Variants in TMEM232 observed in about 807,000 individuals in gnomAD.
TMEM232 encodes the protein transmembrane protein 232.
TMEM232 carries 80 observed loss-of-function variants against 78.8 expected under a neutral mutation model. That is an observed-to-expected ratio of 1.01 (90% CI 0.85 to 1.22). The LOEUF (loss-of-function observed/expected upper bound fraction) is 1.22. TMEM232 is among the 50% of genes most tolerant of loss of function. The probability of loss-of-function intolerance (pLI) is 0.00; values close to 1 mark genes in which losing one functional copy is unlikely to be tolerated. For missense variants in TMEM232, 881 were observed against 742.2 expected (o/e 1.19, Z -2.17); for synonymous variants, 297 against 254.3 (o/e 1.17, Z -1.60).
chr5:110,524,163 T>A (rs1770018999), intron 12 of TMEM232, among the ~76,000 whole-genome samples: 1 of 149,120 alleles, frequency 6.7e-6, no homozygotes, highest in African/African-American at 2.5e-5. Context: ...TTCGGGAGGC[T>A]GAGGCATAAG....
At chr5:110,715,399 A>C (rs1796912659) in intron 1 of TMEM232, among the ~76,000 whole-genome samples, 1 of 152,198 alleles carries the variant, frequency 6.6e-6, no homozygotes, top group Non-Finnish European at 1.5e-5. Flanking sequence ...AATAATACTA[A>C]ACTGAATAGA....
At chr5:110,446,008 G>T (rs1198196445) in intron 12 of TMEM232, among the ~76,000 whole-genome samples, 1 of 152,146 alleles carries the variant, frequency 6.6e-6, no homozygotes, top group Non-Finnish European at 1.5e-5. Flanking sequence ...AGATTACACA[G>T]GAACAGAGAT....
chr5:110,701,787 C>T (rs556237877), intron 1 of TMEM232, among the ~76,000 whole-genome samples: 2 of 152,072 alleles, frequency 1.3e-5, no homozygotes, highest in South Asian at 4.1e-4. Flanking sequence ...TTCCATTCTA[C>T]TTAAGTATAT....
rs1311493688 is a variant in TMEM232 at position 110,420,261 on chromosome 5, T to A, written c.*319A>T. 1 of 181,390 alleles carries A rather than the reference T, an allele frequency of 5.5e-6. No individual in the cohort carries two copies. Among genetic ancestry groups the A allele is most frequent in the African/African-American group, 2.3e-5 (1 of 42,730 alleles). The allele number at this position is 181,390 out of a possible 1,614,324, so 11.2% of individuals were successfully genotyped here. On this transcript the variant is annotated 3_prime_UTR_variant, in exon 14 of 14. Coordinates refer to ENST00000455884, the MANE Select transcript of TMEM232 (RefSeq NM_001039763.4). ...AAACTGTTTGTTTGATGAATATCAA[T>A]GTTCTGAGAATCAGTTATCAAGTAT...
chr5:110,587,679 ATATATATATATATG>A (rs1302902756), intron 10 of TMEM232, among the ~76,000 whole-genome samples: 8 of 98,730 alleles, frequency 8.1e-5, no homozygotes, highest in African/African-American at 4.0e-4. Flanking sequence ...ATATATATAT[ATATATATATATATG>A]TGTGTGTGTG....
downstream of TMEM232, among the ~76,000 whole-genome samples, chr5:110,415,481 C>T (rs1370689056): frequency 6.6e-6 from 1 of 151,796 alleles, no homozygotes; most frequent in Admixed American, 6.6e-5. Context: ...GCCACCGTGC[C>T]CGACCCCAAC....
intron 10 of TMEM232, among the ~76,000 whole-genome samples, chr5:110,581,119 A>C (rs1261661560): frequency 1.3e-5 from 2 of 151,914 alleles, no homozygotes; most frequent in Admixed American, 1.3e-4. Flanking sequence ...CACAATTCTT[A>C]CCAAACTACC....
chr5:110,695,472 T>G (rs907568863), intron 1 of TMEM232, among the ~76,000 whole-genome samples: 3 of 151,940 alleles, frequency 2.0e-5, no homozygotes, highest in African/African-American at 7.3e-5. Flanking sequence ...CTGAAGGGAA[T>G]AGAGACACAA....
intron 10 of TMEM232, among the ~76,000 whole-genome samples, chr5:110,595,655 C>A (rs185419064): frequency 6.6e-6 from 1 of 152,074 alleles, no homozygotes; most frequent in African/African-American, 2.4e-5. Context: ...CTGAATCGAT[C>A]AAGTGGAAGA....
intron 7 of TMEM232, among the ~76,000 whole-genome samples, chr5:110,622,327 G>A (rs1416389229): frequency 6.6e-6 from 1 of 152,126 alleles, no homozygotes; most frequent in Non-Finnish European, 1.5e-5. Flanking sequence ...AGAACTATTT[G>A]TACTTCAGAA....
chr5:110,656,799 C>T (rs1241486011), intron 2 of TMEM232, among the ~76,000 whole-genome samples: 1 of 151,040 alleles, frequency 6.6e-6, no homozygotes, highest in Non-Finnish European at 1.5e-5. Context: ...CACTGCACCA[C>T]TGCACTCCAG....
chr5:110,594,704 C>A (rs1779941351), intron 10 of TMEM232, among the ~76,000 whole-genome samples: 1 of 152,156 alleles, frequency 6.6e-6, no homozygotes, highest in South Asian at 2.1e-4. Context: ...TGCAGCACGG[C>A]AAAGCAGCTG....
intron 2 of TMEM232, among the ~76,000 whole-genome samples, chr5:110,732,196 A>T (rs1798733467): frequency 6.6e-6 from 1 of 152,180 alleles, no homozygotes; most frequent in African/African-American, 2.4e-5. Flanking sequence ...TATTCATATC[A>T]TTATCAGCAT....
rs61730860 is a variant in TMEM232 at position 110,625,333 on chromosome 5, G to C, written c.702C>G (p.Leu234=). 1 of 1,547,054 alleles carries C rather than the reference G, an allele frequency of 6.5e-7. No homozygotes were observed. The highest frequency in any genetic ancestry group is 8.7e-7 in the Non-Finnish European group (1 of 1,144,458). The change falls in exon 7 of 14, where the codon CTC becomes CTG. Residue 234 remains leucine, a synonymous_variant. Coordinates refer to ENST00000455884, the MANE Select transcript of TMEM232 (RefSeq NM_001039763.4). The part of the protein sequence containing the change: ...KASEIIGKRE[L]RSESIFRPVE... ...CAGGTCTAAAAATGGATTCAGAACG[G>C]AGTTCTCTTTTACCTATAATTTCCG...
intron 12 of TMEM232, chr5:110,429,919 T>C (rs1757641086): frequency 1.3e-5 from 2 of 151,812 alleles, no homozygotes; most frequent in Admixed American, 1.3e-4. Context: ...TAACCTTTTC[T>C]TTAGCTAACT....
At position 110,625,358 on chromosome 5, in the gene TMEM232, G is replaced by A. The variant is rs528527143; in HGVS notation, c.677C>T (p.Ser226Leu). Residue 226 changes from serine to leucine, a missense_variant, in exon 7 of 14, where the codon TCG (serine) becomes TTG (leucine). Physicochemically the swap from Ser to Leu is moderately radical, Grantham distance 145. Transcript: ENST00000455884. ...GAGTTCTCTTTTACCTATAATTTCC[G>A]AGGCTTTCAGGATGAATTGCACATT... Reference protein sequence around the residue: ...FSNVQFILKASEIIGKRELRS... With the variant: ...FSNVQFILKALEIIGKRELRS... 2.8e-5 allele frequency: 43 copies of A among 1,547,158 alleles called. No homozygotes were observed. The African/African-American group carries it at 4.4e-4, about 16-fold the overall frequency.
intron 1 of TMEM232, among the ~76,000 whole-genome samples, chr5:110,686,189 T>A (rs1793381764): frequency 6.6e-6 from 1 of 152,006 alleles, no homozygotes; most frequent in Non-Finnish European, 1.5e-5. Context: ...CTGGGCTTAA[T>A]TCAGTGACTT....
chr5:110,647,774 C>T (rs569833361), intron 2 of TMEM232, among the ~76,000 whole-genome samples: 1 of 151,970 alleles, frequency 6.6e-6, no homozygotes, highest in East Asian at 1.9e-4. Flanking sequence ...GTTGTGCTAA[C>T]CAATGCAGTA....
intron 12 of TMEM232, among the ~76,000 whole-genome samples, chr5:110,464,923 A>C (rs867627029): frequency 2.6e-5 from 4 of 152,196 alleles, no homozygotes; most frequent in Admixed American, 6.5e-5. Flanking sequence ...TTGAGACAGT[A>C]AATAAGAAGT....
Sources: allele counts gnomAD v4.1 joint callset (sites outside exome capture counted in the v4.1 genomes callset), GRCh38; gene constraint gnomAD v4.1.1; transcripts MANE v1.5; gene names NCBI Gene and HGNC (gene_info 2026-07-23, HGNC 2026-07-21).